The following PPP4R3A variants were observed in gnomAD, a reference collection of about 807,000 sequenced individuals.
PPP4R3A encodes the protein protein phosphatase 4 regulatory subunit 3A.
In PPP4R3A, 15 loss-of-function variants were observed where a neutral mutation model predicts 91.7. The observed-to-expected ratio is 0.16, with a 90% CI of 0.11 to 0.25. The LOEUF is 0.25. PPP4R3A is among the 10% of genes least tolerant of loss of function. The pLI, the probability that PPP4R3A is intolerant of heterozygous loss-of-function variation, is 1.00. For synonymous variants in PPP4R3A, 377 were observed against 348.7 expected (o/e 1.08, Z -0.91); for missense variants, 623 against 998.4 (o/e 0.62, Z 5.07).
At chr14:91,459,930 A>G (rs117997990) in intron 14 of PPP4R3A, among the ~76,000 whole-genome samples, 66 of 152,142 alleles carry the variant, frequency 4.3e-4, no homozygotes, top group Non-Finnish European at 8.1e-4. Flanking sequence ...GAGGTTAGGA[A>G]AGCAGTTCTA....
intron 3 of PPP4R3A, among the ~76,000 whole-genome samples, chr14:91,482,929 A>C (rs1889659652): frequency 6.6e-6 from 1 of 152,172 alleles, no homozygotes; most frequent in South Asian, 2.1e-4. Flanking sequence ...TTATTCCCAA[A>C]AAAGGTCTGC....
intron 10 of PPP4R3A, among the ~76,000 whole-genome samples, chr14:91,470,285 C>A (rs1198905732): frequency 6.6e-6 from 1 of 152,152 alleles, no homozygotes; most frequent in Admixed American, 6.5e-5. Context: ...CTCTAACAAA[C>A]TCGGGTCTTA....
intron 7 of PPP4R3A, among the ~76,000 whole-genome samples, chr14:91,474,257 A>T (rs1486720812): frequency 6.6e-6 from 1 of 152,238 alleles, no homozygotes; most frequent in Non-Finnish European, 1.5e-5. Flanking sequence ...CACATTCTAA[A>T]TATCAAAGAA....
chr14:91,458,452 CA>C lies in PPP4R3A; in HGVS notation c.*306del. On this transcript the variant is annotated 3_prime_UTR_variant, in exon 15 of 15. Coordinates refer to ENST00000554943, the MANE Select transcript of PPP4R3A (RefSeq NM_001366432.2). ...ATTCTGATTGTAGCAACTGACCAGT[CA>C]ATCCAGAGTTCCACTTACAAAACCC... 1 of 412,552 alleles carries C rather than the reference CA, an allele frequency of 2.4e-6. No individual in the cohort carries two copies. The highest frequency in any genetic ancestry group is 5.3e-5 in the East Asian group (1 of 19,046). 25.6% of individuals were successfully genotyped at this position (412,552 alleles called of 1,614,324 possible).
Position 91,458,699 on chromosome 14 carries a change from G to A in PPP4R3A, c.*60C>T, listed in dbSNP as rs897406015. The A allele has an allele frequency of 6.2e-7, 1 of 1,612,256 alleles. No individual in the cohort carries two copies. The highest frequency in any genetic ancestry group is 1.7e-5 in the Admixed American group (1 of 60,008). The stretch of plus-strand genomic sequence containing the variant: ...CTGCGCTTTGTTGTGGATTTTGTAT[G>A]GGGGAGGGGTGGAGAACCAGTTTTT... On this transcript the variant is annotated 3_prime_UTR_variant, in exon 15 of 15. Coordinates refer to ENST00000554943, the MANE Select transcript of PPP4R3A (RefSeq NM_001366432.2).
At chr14:91,499,378 A>T (rs1472473552) in intron 1 of PPP4R3A, among the ~76,000 whole-genome samples, 1 of 152,194 alleles carries the variant, frequency 6.6e-6, no homozygotes, top group Non-Finnish European at 1.5e-5. Context: ...CTACTGTGTG[A>T]ATAAGTACAG....
At chr14:91,502,084 T>C (rs994899664) in intron 1 of PPP4R3A, among the ~76,000 whole-genome samples, 3 of 151,820 alleles carry the variant, frequency 2.0e-5, no homozygotes, top group East Asian at 1.9e-4. Flanking sequence ...TTCCTGACTT[T>C]TCGGAAAAAA....
At chr14:91,496,832 C>G (rs1890602633) in intron 1 of PPP4R3A, among the ~76,000 whole-genome samples, 1 of 152,158 alleles carries the variant, frequency 6.6e-6, no homozygotes, top group Non-Finnish European at 1.5e-5. Context: ...ATAAAAGACA[C>G]AATACTAGGT....
At chr14:91,492,014 T>C (rs1386754024) in intron 1 of PPP4R3A, among the ~76,000 whole-genome samples, 1 of 152,208 alleles carries the variant, frequency 6.6e-6, no homozygotes, top group Non-Finnish European at 1.5e-5. Flanking sequence ...AATAAATGTT[T>C]TATATACGTG....
intron 1 of PPP4R3A, among the ~76,000 whole-genome samples, chr14:91,507,547 A>ACATAC (rs1227312706): frequency 6.7e-5 from 6 of 89,932 alleles, no homozygotes; most frequent in Admixed American, 1.4e-4. Context: ...TATATATTAT[A>ACATAC]TATAGTTATA....
chr14:91,480,507 G>A (rs1024561981), intron 4 of PPP4R3A, among the ~76,000 whole-genome samples: 9 of 152,042 alleles, frequency 5.9e-5, no homozygotes, highest in African/African-American at 1.9e-4. Flanking sequence ...CCCTGAAACT[G>A]GACTTTTACC....
chr14:91,459,173 C>CT (rs1470076895), intron 14 of PPP4R3A, among the ~76,000 whole-genome samples: 62 of 152,112 alleles, frequency 4.1e-4, no homozygotes, highest in Non-Finnish European at 5.0e-4. Context: ...GGTGCGATCT[C>CT]GGCTCACTGC....
intron 2 of PPP4R3A, 70 bp downstream of exon 2, chr14:91,490,677 A>C (rs1890182286): frequency 8.1e-7 from 1 of 1,228,488 alleles, no homozygotes; most frequent in Non-Finnish European, 1.2e-6. Context: ...CACTATAAGC[A>C]ATCAGATAAT....
intron 9 of PPP4R3A, 42 bp from the exon 10 acceptor site, chr14:91,471,037 C>T (rs1402212822): frequency 6.6e-7 from 1 of 1,525,824 alleles, no homozygotes; most frequent in Non-Finnish European, 8.8e-7. Context: ...TAATGACTAA[C>T]ATTTTTCCTT....
chr14:91,481,534 C>T (rs1054492185), intron 4 of PPP4R3A, 42 bp downstream of exon 4: 1 of 1,497,424 alleles, frequency 6.7e-7, no homozygotes, highest in African/African-American at 1.4e-5. Flanking sequence ...ATTGTTTTCG[C>T]TGCATCTCTT....
At chr14:91,505,614 G>A (rs768918533) in intron 1 of PPP4R3A, among the ~76,000 whole-genome samples, 5 of 152,058 alleles carry the variant, frequency 3.3e-5, no homozygotes, top group Non-Finnish European at 5.9e-5. Flanking sequence ...AAAGTGTTAA[G>A]AATCAAATAT....
chr14:91,464,823 A>C (rs1888379827), intron 11 of PPP4R3A, among the ~76,000 whole-genome samples: 1 of 152,210 alleles, frequency 6.6e-6, no homozygotes, highest in South Asian at 2.1e-4. Context: ...CATGAAAGAC[A>C]ATTTTTCCAC....
At position 91,458,628 on chromosome 14, in the gene PPP4R3A, G is replaced by T; in HGVS notation, c.*131C>A. The stretch of plus-strand genomic sequence containing the variant: ...TTGAATTGGCACTTGATGAGCAGAA[G>T]TCAAGTGTAAGAGGCTGATCTGTGT... On this transcript the variant is annotated 3_prime_UTR_variant, in exon 15 of 15. Transcript: ENST00000554943. 7.6e-7 allele frequency: 1 copy of T among 1,316,254 alleles called. No homozygotes were observed. The highest frequency in any genetic ancestry group is 1.1e-6 in the Non-Finnish European group (1 of 911,346). The allele number at this position is 1,316,254 out of a possible 1,614,324, so 81.5% of individuals were successfully genotyped here. A position where few individuals can be genotyped will look rare whatever the true frequency, so the allele number is the denominator to read the frequency against.
At chr14:91,494,592 G>A (rs543634922) in intron 1 of PPP4R3A, among the ~76,000 whole-genome samples, 2 of 152,336 alleles carry the variant, frequency 1.3e-5, no homozygotes, top group Admixed American at 1.3e-4. Context: ...GCCAGGCACG[G>A]TGGCTCACGC....
Sources: allele counts gnomAD v4.1 joint callset (sites outside exome capture counted in the v4.1 genomes callset), GRCh38; gene constraint gnomAD v4.1.1; transcripts MANE v1.5; gene names NCBI Gene and HGNC (gene_info 2026-07-23, HGNC 2026-07-21).